Variants in SPATA1 observed in about 807,000 individuals in gnomAD.
SPATA1 encodes spermatogenesis-associated protein 1.
A neutral mutation model predicts 59.6 loss-of-function variants in SPATA1; 57 were observed. The observed-to-expected ratio is 0.96, with a 90% confidence interval of 0.77 to 1.19. SPATA1 has a LOEUF of 1.19. SPATA1 is among the 50% of genes most tolerant of loss of function. The probability of loss-of-function intolerance (pLI) is 0.00; values close to 1 mark genes in which losing one functional copy is unlikely to be tolerated. For synonymous variants in SPATA1, 147 were observed against 163.9 expected (o/e 0.90, Z 0.79); for missense variants, 448 against 480.7 (o/e 0.93, Z 0.64).
At chr1:84,509,215 A>T (rs1435718322) in intron 1 of SPATA1, among the ~76,000 whole-genome samples, 2 of 152,078 alleles carry the variant, frequency 1.3e-5, no homozygotes, top group Admixed American at 1.3e-4. Context: ...GCATAAAAAA[A>T]AAAAAAACAT....
rs772480303 is a variant in SPATA1 at position 84,565,890 on chromosome 1, C to A, written n.472C>A. 5.7e-6 allele frequency: 9 copies of A among 1,587,990 alleles called. No individual in the cohort carries two copies. In the Middle Eastern group the frequency reaches 5.0e-4, roughly 88 times the overall value. Reference sequence around the variant, plus strand: ...CATTGGCTGCTGCAATACATTCTGACCAGATCTGACTTTGTTCATCATAAG... The same window carrying A: ...CATTGGCTGCTGCAATACATTCTGAACAGATCTGACTTTGTTCATCATAAG... On this transcript the variant is annotated non_coding_transcript_exon_variant, in exon 5 of 5. Coordinates refer to the SPATA1 transcript ENST00000460286.
rs770750222 is a variant in SPATA1, at chr1:84,516,370, A to G, written c.11A>G (p.Asn4Ser). 2.0e-6 allele frequency: 3 copies of G among 1,521,066 alleles called. No individual in the cohort carries two copies. The South Asian group carries it at 4.0e-5, about 20-fold the overall frequency. The allele number at this position is 1,521,066 out of a possible 1,614,324, so 94.2% of individuals were successfully genotyped here. The change falls in exon 2 of 13, where the codon AAT (asparagine) becomes AGT (serine). Residue 4 changes from asparagine to serine, a missense_variant. Coordinates refer to ENST00000490879, the Ensembl canonical transcript of SPATA1. ...CAGACATTAGTGAATATGTCACTCA[A>G]TCCAAGTCGACCTTCCTCATCAGAG...
chr1:84,549,007 C>A, intron 11 of SPATA1, 43 bp downstream of exon 11: 2 of 1,484,100 alleles, frequency 1.3e-6, no homozygotes, highest in South Asian at 1.4e-5. Flanking sequence ...AAGTTCTGTT[C>A]AAAACACATG....
downstream of SPATA1, chr1:84,555,048 T>C (rs753705550): frequency 6.2e-7 from 1 of 1,614,072 alleles, no homozygotes; most frequent in Non-Finnish European, 8.5e-7. Context: ...TTCTTCAGTT[T>C]GCTGTTTGGC....
chr1:84,548,885 A>T, exon 11 of SPATA1: 1 of 1,607,702 alleles, frequency 6.2e-7, no homozygotes, highest in Non-Finnish European at 8.5e-7. Flanking sequence ...GAACTCTACT[A>T]TAAAAAACTG....
chr1:84,548,736 A>C (rs1684171564), intron 10 of SPATA1, 50 bp from the exon 11 acceptor site: 2 of 1,402,520 alleles, frequency 1.4e-6, no homozygotes, highest in South Asian at 1.7e-5. Context: ...TTAATACTCA[A>C]ACGAAGGCCT....
chr1:84,512,032 T>G (rs1425208787), intron 1 of SPATA1, among the ~76,000 whole-genome samples: 5 of 152,136 alleles, frequency 3.3e-5, no homozygotes, highest in Non-Finnish European at 5.9e-5. Context: ...ACCTTTAAAT[T>G]GATGAGAATT....
chr1:84,519,165 G>A (rs975776137), intron 2 of SPATA1, among the ~76,000 whole-genome samples: 14 of 151,858 alleles, frequency 9.2e-5, no homozygotes, highest in African/African-American at 3.1e-4. Context: ...AATAGAGACA[G>A]GATCCAACAG....
chr1:84,512,232 C>T (rs2101913246), intron 1 of SPATA1, among the ~76,000 whole-genome samples: 1 of 152,294 alleles, frequency 6.6e-6, no homozygotes, highest in South Asian at 2.1e-4. Context: ...ATGTAAATTT[C>T]CCTTTCACTT....
At chr1:84,549,015 A>G (rs1684189564) in intron 11 of SPATA1, 51 bp downstream of exon 11, 5 of 1,467,176 alleles carry the variant, frequency 3.4e-6, no homozygotes, top group Non-Finnish European at 4.5e-6. Flanking sequence ...TTCAAAACAC[A>G]TGCTTTATAA....
chr1:84,549,413 T>C (rs1684201240), intron 11 of SPATA1, among the ~76,000 whole-genome samples: 1 of 152,098 alleles, frequency 6.6e-6, no homozygotes, highest in Non-Finnish European at 1.5e-5. Flanking sequence ...TAATTAGGAT[T>C]TACCTCTGTA....
At chr1:84,561,345 A>C (rs1360982365) in intron 4 of SPATA1, among the ~76,000 whole-genome samples, 2 of 152,172 alleles carry the variant, frequency 1.3e-5, no homozygotes, top group East Asian at 3.8e-4. Context: ...TAAATATGTG[A>C]CTCAATTGCT....
At chr1:84,535,457 T>A (rs1262186283) in intron 8 of SPATA1, among the ~76,000 whole-genome samples, 1 of 152,180 alleles carries the variant, frequency 6.6e-6, no homozygotes, top group Admixed American at 6.5e-5. Context: ...CTATACTTAA[T>A]CTTCTAATCT....
intron 8 of SPATA1, among the ~76,000 whole-genome samples, chr1:84,539,174 T>C (rs1447681587): frequency 6.6e-6 from 1 of 152,114 alleles, no homozygotes; most frequent in African/African-American, 2.4e-5. Flanking sequence ...CTGAATGGAG[T>C]CTGTACAAGC....
intron 1 of SPATA1, among the ~76,000 whole-genome samples, chr1:84,513,137 G>T (rs1486107820): frequency 6.6e-6 from 1 of 152,028 alleles, no homozygotes; most frequent in East Asian, 1.9e-4. Flanking sequence ...TTTGTTTTTT[G>T]TTACAGAGTT....
chr1:84,517,939 C>A (rs984130963), intron 2 of SPATA1, among the ~76,000 whole-genome samples: 3 of 151,852 alleles, frequency 2.0e-5, no homozygotes, highest in African/African-American at 7.3e-5. Flanking sequence ...TTATGTATAT[C>A]CTGATATAAT....
rs72950304 is a variant in SPATA1, at chr1:84,530,982, C to T, written c.545-1878C>T. Among the ~76,000 whole-genome samples, 593 of 152,270 alleles carry T rather than the reference C, an allele frequency of 3.9e-3. 2 individuals carry two copies. The highest frequency in any genetic ancestry group is 0.014 in the African/African-American group (571 of 41,558). On this transcript the variant is annotated intron_variant, in intron 6 of 12. Coordinates refer to ENST00000490879, the Ensembl canonical transcript of SPATA1. ...AGTTATCACTCCCTTTTCTGTGACT[C>T]TATCATATTTTAAACATATATTTGT...
chr1:84,534,497 G>T (rs769361874), intron 8 of SPATA1, among the ~76,000 whole-genome samples: 20 of 152,050 alleles, frequency 1.3e-4, no homozygotes, highest in Non-Finnish European at 2.4e-4. Flanking sequence ...GGCACAGAGA[G>T]GTTCCATGGC....
At chr1:84,518,581 G>A (rs1479613453) in intron 2 of SPATA1, among the ~76,000 whole-genome samples, 1 of 151,692 alleles carries the variant, frequency 6.6e-6, no homozygotes, top group African/African-American at 2.4e-5. Flanking sequence ...CCATTTTGTA[G>A]GTGAAAATGG....
Sources: gnomAD v4.1 joint callset for allele counts (sites outside exome capture counted in the v4.1 genomes callset) on GRCh38, gnomAD v4.1.1 for gene constraint, MANE v1.5 for transcripts, NCBI Gene and HGNC (gene_info 2026-07-23, HGNC 2026-07-21) for gene names.